The following BPTF variants were observed in gnomAD, a reference collection of about 807,000 sequenced individuals.
BPTF encodes nucleosome-remodeling factor subunit BPTF.
Under a neutral mutation model 292.5 loss-of-function variants are expected in BPTF, and 18 were observed. That is an observed-to-expected ratio of 0.06 (90% CI 0.04 to 0.09). The LOEUF (loss-of-function observed/expected upper bound fraction) is 0.09. Among genes scored for constraint, BPTF ranks in the 10% least tolerant of loss-of-function variants. The pLI is 1.00. For synonymous variants in BPTF, 1,225 were observed against 1,251.9 expected, an observed-to-expected ratio of 0.98 and a Z score of 0.45; for missense variants, 2,726 against 3,498.7, an observed-to-expected ratio of 0.78 and a Z score of 5.57.
intron 4 of BPTF, among the ~76,000 whole-genome samples, chr17:67,887,182 C>T (rs1250430496): frequency 3.3e-5 from 5 of 152,178 alleles, no homozygotes; most frequent in East Asian, 1.9e-4. Flanking sequence ...AAAAGTATTT[C>T]GTATACAAAT....
intron 3 of BPTF, 102 bp downstream of exon 3, chr17:67,866,789 A>T (rs1456614674): frequency 4.8e-6 from 4 of 827,970 alleles, no homozygotes; most frequent in Non-Finnish European, 7.7e-6. Context: ...TTTCAAGTAC[A>T]GTCGTGCATT....
Position 67,912,074 on chromosome 17 carries a change from A to G in BPTF, c.4190A>G (p.Lys1397Arg), listed in dbSNP as rs551744056. 11 of 1,610,374 alleles carry G rather than the reference A, an allele frequency of 6.8e-6. No individual in the cohort carries two copies. The African/African-American group carries it at 9.4e-5, about 14-fold the overall frequency. The change falls in exon 11 of 28, where the codon AAG (lysine) becomes AGG (arginine). Residue 1397 changes from lysine (K) to arginine (R), a missense_variant. Physicochemically the swap from Lys to Arg is conservative, Grantham distance 26. This residue lies in a region of BPTF where 713 missense variants were observed against 714.9 expected (regional missense o/e 1.00). Transcript: ENST00000306378. Reference sequence around the variant, plus strand: ...AATAATGAAAATCGAGAGTCTGAAAAGAAAGGACAGAGAACAAGTACATTT... The same window carrying G: ...AATAATGAAAATCGAGAGTCTGAAAGGAAAGGACAGAGAACAAGTACATTT... The part of the protein sequence containing the change: ...KKNNENRESE[K>R]KGQRTSTFQI...
chr17:67,902,933 C>T (rs1598535225), intron 7 of BPTF, among the ~76,000 whole-genome samples: 1 of 152,184 alleles, frequency 6.6e-6, no homozygotes, highest in Admixed American at 6.5e-5. Flanking sequence ...GTAGGTTTTG[C>T]TTCGTGTCTC....
rs1200665593 is a variant in BPTF at position 67,912,803 on chromosome 17, C to T, written c.4919C>T (p.Thr1640Ile). 6.2e-7 allele frequency: 1 copy of T among 1,614,182 alleles called. No individual in the cohort carries two copies. Among genetic ancestry groups the T allele is most frequent in the Non-Finnish European group, 8.5e-7 (1 of 1,180,026 alleles). The change falls in exon 11 of 28, where the codon ACA becomes ATA. Residue 1640 changes from threonine (T) to isoleucine (I), a missense_variant. Physicochemically the swap from Thr to Ile is moderately conservative, Grantham distance 89 (BLOSUM62 -1). This residue lies in a region of BPTF where 144 missense variants were observed against 177.2 expected (regional missense o/e 0.81). Coordinates refer to ENST00000306378, the MANE Select transcript of BPTF (RefSeq NM_182641.4). ...TTVTKLSTPSTGGSVDIISVK... is the reference protein window; with the variant it reads ...TTVTKLSTPSIGGSVDIISVK... ...GTGACCAAGCTTTCCACACCCTCCA[C>T]AGGCGGCAGTGTGGACATCATCTCT...
rs1598050467 is a variant in BPTF, at chr17:67,825,992, C to G, written c.268C>G (p.Pro90Ala). ...PPPAPPSTSA[P>A]GRGGRGGGGG... ...GCCGGCCCCCCCCAGCACCAGCGCC[C>G]CGGGCCGGGGGGGGCGAGGAGGCGG... is the stretch of plus-strand genomic sequence containing the variant. Residue 90 changes from proline (P) to alanine (A), a missense_variant, in exon 1 of 28, where the codon CCG becomes GCG. Coordinates refer to ENST00000306378, the MANE Select transcript of BPTF (RefSeq NM_182641.4). 4 of 1,115,042 alleles carry G rather than the reference C, an allele frequency of 3.6e-6. No homozygotes were observed. The highest frequency in any genetic ancestry group is 3.8e-4 in the Middle Eastern group (1 of 2,602). 69.1% of individuals were successfully genotyped at this position (1,115,042 alleles called of 1,614,324 possible).
chr17:67,843,583 G>GAT (rs1186019070), intron 1 of BPTF, among the ~76,000 whole-genome samples: 3 of 148,076 alleles, frequency 2.0e-5, no homozygotes, highest in East Asian at 3.9e-4. Context: ...ATATACAGAA[G>GAT]ATATATATCT....
At chr17:67,967,955 T>G (rs782124521) in intron 26 of BPTF, among the ~76,000 whole-genome samples, 3 of 151,438 alleles carry the variant, frequency 2.0e-5, no homozygotes, top group Non-Finnish European at 4.4e-5. Flanking sequence ...GTCTCTTTGA[T>G]CCTCTCATCC....
rs1555682827 is a variant in BPTF at position 67,959,666 on chromosome 17, ACCTTCACCTCCC to A, written c.8056_8067del (p.Ser2686_Pro2689del). 2 of 1,534,458 alleles carry A rather than the reference ACCTTCACCTCCC, an allele frequency of 1.3e-6. No homozygotes were observed. Among genetic ancestry groups the A allele is most frequent in the Non-Finnish European group, 1.8e-6 (2 of 1,140,846 alleles). ...CTCCTCCAGCCCCTCCAGCCCCTCC[ACCTTCACCTCCC>A]CCTCCACCTGCTGTGCAACACACAG... On this transcript the variant is annotated inframe_deletion, in exon 24 of 28. Coordinates refer to ENST00000306378, the MANE Select transcript of BPTF (RefSeq NM_182641.4).
chr17:67,840,378 A>G (rs1407141751), intron 1 of BPTF, among the ~76,000 whole-genome samples: 5 of 152,002 alleles, frequency 3.3e-5, no homozygotes, highest in African/African-American at 1.2e-4. Context: ...AGGTGCTGAG[A>G]TTACAGGCAT....
chr17:67,852,543 T>C (rs971860145), intron 1 of BPTF, among the ~76,000 whole-genome samples: 3 of 152,212 alleles, frequency 2.0e-5, no homozygotes, highest in Non-Finnish European at 2.9e-5. Context: ...TAACACTGTA[T>C]CTTAAAGATT....
At chr17:67,848,461 C>T (rs1452325456) in intron 1 of BPTF, among the ~76,000 whole-genome samples, 1 of 152,174 alleles carries the variant, frequency 6.6e-6, no homozygotes, top group Non-Finnish European at 1.5e-5. Flanking sequence ...GTCAGAAGCA[C>T]AGCACCTGGA....
At chr17:67,840,083 A>AT (rs1240360432) in intron 1 of BPTF, among the ~76,000 whole-genome samples, 2 of 147,742 alleles carry the variant, frequency 1.4e-5, no homozygotes, top group East Asian at 2.0e-4. Context: ...TCTGTATACC[A>AT]TTTTTTATGG....
At chr17:67,909,287 T>A (rs1470788939) in intron 9 of BPTF, among the ~76,000 whole-genome samples, 2 of 138,778 alleles carry the variant, frequency 1.4e-5, no homozygotes, top group Non-Finnish European at 3.1e-5. Context: ...CCCTTTTTTT[T>A]TTTATCCTGC....
intron 3 of BPTF, among the ~76,000 whole-genome samples, chr17:67,873,721 T>G (rs943909183): frequency 3.9e-5 from 6 of 152,184 alleles, no homozygotes; most frequent in African/African-American, 1.4e-4. Flanking sequence ...CATATACATA[T>G]GTGCCCACAC....
At chr17:67,891,507 CTTTG>C in intron 4 of BPTF, 1 of 173,362 alleles carries the variant, frequency 5.8e-6, no homozygotes, top group East Asian at 1.5e-4. Flanking sequence ...TAAGGCAACA[CTTTG>C]TTAGTTTGCT....
intron 4 of BPTF, among the ~76,000 whole-genome samples, chr17:67,882,175 T>C (rs1164974077): frequency 2.0e-5 from 3 of 152,184 alleles, no homozygotes; most frequent in African/African-American, 7.2e-5. Context: ...TTGAGGCTTA[T>C]GTTACACAGT....
chr17:67,983,740 T>C lies in BPTF; in HGVS notation c.*1452T>C, dbSNP rs531102190. 2 of 152,824 alleles carry C rather than the reference T, an allele frequency of 1.3e-5. No homozygotes were observed. The highest frequency in any genetic ancestry group is 3.9e-4 in the East Asian group (2 of 5,194). The allele number at this position is 152,824 out of a possible 1,614,324, so 9.5% of individuals were successfully genotyped here. A position where few individuals can be genotyped will look rare whatever the true frequency, so the allele number is the denominator to read the frequency against. ...TTACTAGATTTTGCACTAACTCATA[T>C]TAGCTTTGTCCTACCAACTTCTGGA... On this transcript the variant is annotated 3_prime_UTR_variant, in exon 28 of 28. Coordinates refer to ENST00000306378, the MANE Select transcript of BPTF (RefSeq NM_182641.4).
chr17:67,903,698 G>C, intron 7 of BPTF, 91 bp from the exon 8 acceptor site: 1 of 1,224,542 alleles, frequency 8.2e-7, no homozygotes, highest in Non-Finnish European at 1.1e-6. Flanking sequence ...ATAACAGTCT[G>C]CTTTGTTTTC....
chr17:67,976,685 CAAAAAAA>C lies in BPTF; in HGVS notation c.8726+751_8726+757del, dbSNP rs1156404121. ...TGAGTGACAGAGTGAGACCCTGTCTCAAAAAAAAAAAAAAAAAAAAAAAAAAAAAATA... is the reference window on the plus strand; with the variant it reads ...TGAGTGACAGAGTGAGACCCTGTCTCAAAAAAAAAAAAAAAAAAAAAAATA... On this transcript the variant is annotated intron_variant, in intron 27 of 27. Transcript: ENST00000306378. 6.4e-3 allele frequency among the ~76,000 whole-genome samples: 158 copies of C among 24,854 alleles called. 3 individuals carry two copies. The highest frequency in any genetic ancestry group is 0.049 in the Admixed American group (89 of 1,828). The allele number at this position is 24,854 out of a possible 152,430, so 16.3% of individuals were successfully genotyped here.
Sources: gnomAD v4.1 joint callset for allele counts (sites outside exome capture counted in the v4.1 genomes callset) on GRCh38, gnomAD v4.1.1 for gene constraint, gnomAD v4.1.1 regional missense constraint, MANE v1.5 for transcripts, NCBI Gene and HGNC (gene_info 2026-07-23, HGNC 2026-07-21) for gene names.